Variants in DSG2 observed in about 807,000 individuals in gnomAD.
The protein encoded by DSG2 is desmoglein 2.
In DSG2, 45 loss-of-function variants were observed where a neutral mutation model predicts 75.6. The observed-to-expected ratio is 0.60, with a 90% CI of 0.47 to 0.76. The LOEUF is 0.76. DSG2 is among the 30% of genes least tolerant of loss of function. The pLI, the probability that DSG2 is intolerant of heterozygous loss-of-function variation, is 0.00. For missense variants in DSG2, 1,267 were observed against 1,357.4 expected, an observed-to-expected ratio of 0.93 and a Z score of 1.05; for synonymous variants, 429 against 483.9, an observed-to-expected ratio of 0.89 and a Z score of 1.49.
chr18:31,535,463 TTTTCCAACATCA>T, intron 10 of DSG2, 51 bp downstream of exon 10: 2 of 1,455,176 alleles, frequency 1.4e-6, no homozygotes, highest in Non-Finnish European at 1.9e-6. Flanking sequence ...TAGATTTTTA[TTTTCCAACATCA>T]GAAACCATTG....
rs1401989076 is a variant in DSG2, at chr18:31,498,202, A to G, written c.-50A>G. 29 of 1,232,108 alleles carry G rather than the reference A, an allele frequency of 2.4e-5. No homozygotes were observed. Among genetic ancestry groups the G allele is most frequent in the Non-Finnish European group, 2.9e-5 (29 of 984,720 alleles). The allele number at this position is 1,232,108 out of a possible 1,614,324, so 76.3% of individuals were successfully genotyped here. ...GAGGAGCCGAGTGCGCGCTCGGGGC[A>G]GGCGGCGGCGCGGAGCGGTGCGGCG... On this transcript the variant is annotated 5_prime_UTR_variant, in exon 1 of 15. Coordinates refer to ENST00000261590, the MANE Select transcript of DSG2 (RefSeq NM_001943.5).
chr18:31,508,790 C>T (rs2073052185), intron 1 of DSG2, among the ~76,000 whole-genome samples: 1 of 152,130 alleles, frequency 6.6e-6, no homozygotes, highest in Non-Finnish European at 1.5e-5. Flanking sequence ...ATTATCCAGG[C>T]TCTCCTCTTC....
At chr18:31,512,513 A>T (rs563702169) in intron 1 of DSG2, among the ~76,000 whole-genome samples, 177 of 152,360 alleles carry the variant, frequency 1.2e-3, no homozygotes, top group African/African-American at 4.1e-3. Flanking sequence ...TTCTCCATAC[A>T]GTAGCACCAG....
At position 31,548,340 on chromosome 18, in the gene DSG2, A is replaced by G. The variant is rs2073329554; in HGVS notation, c.*1597A>G. 1 of 152,210 alleles carries G rather than the reference A, an allele frequency of 6.6e-6. No homozygotes were observed. The highest frequency in any genetic ancestry group is 1.5e-5 in the Non-Finnish European group (1 of 68,038). The allele number at this position is 152,210 out of a possible 1,614,324, so 9.4% of individuals were successfully genotyped here. A position where few individuals can be genotyped will look rare whatever the true frequency, so the allele number is the denominator to read the frequency against. On this transcript the variant is annotated 3_prime_UTR_variant, in exon 15 of 15. Coordinates refer to ENST00000261590, the MANE Select transcript of DSG2 (RefSeq NM_001943.5). The stretch of plus-strand genomic sequence containing the variant: ...ACAATTTTCATAATTTTCAAAGACT[A>G]ATTTCTTGACTGAAGATATTTTGCT...
At position 31,524,468 on chromosome 18, in the gene DSG2, G is replaced by A; in HGVS notation, c.711G>A (p.Leu237=). ...LDREEHSSYT[L]TVEARDGNGE... The stretch of plus-strand genomic sequence containing the variant: ...TGCAGGAACACAGCAGCTACACTTT[G>A]ACAGTAGAAGCAAGAGATGGCAATG... Residue 237 remains leucine (L), a synonymous_variant, in exon 7 of 15, where the codon TTG becomes TTA. Transcript: ENST00000261590. The A allele has an allele frequency of 6.2e-7, 1 of 1,614,122 alleles. No individual in the cohort carries two copies. The highest frequency in any genetic ancestry group is 8.5e-7 in the Non-Finnish European group (1 of 1,180,016).
intron 1 of DSG2, among the ~76,000 whole-genome samples, chr18:31,502,655 G>C (rs2073019556): frequency 6.6e-6 from 1 of 152,144 alleles, no homozygotes; most frequent in Non-Finnish European, 1.5e-5. Flanking sequence ...GGAGGCTGAG[G>C]CAGGAGAATC....
At chr18:31,528,437 C>T (rs558708685) in intron 8 of DSG2, among the ~76,000 whole-genome samples, 37 of 152,108 alleles carry the variant, frequency 2.4e-4, no homozygotes, top group African/African-American at 8.7e-4. Context: ...ATGGGCTGGG[C>T]ACGGTGGCTC....
intron 9 of DSG2, among the ~76,000 whole-genome samples, chr18:31,531,815 T>C (rs1220882580): frequency 6.6e-6 from 1 of 152,234 alleles, no homozygotes; most frequent in Non-Finnish European, 1.5e-5. Context: ...TACAAGATGC[T>C]CACTGTGTTG....
At chr18:31,540,349 T>C (rs1004914380) in intron 12 of DSG2, among the ~76,000 whole-genome samples, 4 of 152,210 alleles carry the variant, frequency 2.6e-5, no homozygotes, top group Admixed American at 2.6e-4. Flanking sequence ...TGGCTACATA[T>C]ACAGATACAT....
intron 9 of DSG2, among the ~76,000 whole-genome samples, chr18:31,533,923 T>C (rs983315159): frequency 2.6e-5 from 4 of 152,148 alleles, no homozygotes; most frequent in Non-Finnish European, 5.9e-5. Flanking sequence ...ATATGTTTGG[T>C]TGGTACTGGT....
At chr18:31,544,614 A>T (rs1487231382) in intron 14 of DSG2, among the ~76,000 whole-genome samples, 2 of 152,212 alleles carry the variant, frequency 1.3e-5, no homozygotes, top group Admixed American at 6.5e-5. Context: ...TAAGAAAAAA[A>T]ATTGAAGCCA....
intron 1 of DSG2, among the ~76,000 whole-genome samples, chr18:31,506,885 G>A (rs562641641): frequency 1.3e-5 from 2 of 152,112 alleles, no homozygotes; most frequent in African/African-American, 4.8e-5. Context: ...GCAATCCAAC[G>A]ACTTCAAGGA....
At chr18:31,537,034 T>C (rs2073235178) in intron 11 of DSG2, among the ~76,000 whole-genome samples, 1 of 152,234 alleles carries the variant, frequency 6.6e-6, no homozygotes, top group African/African-American at 2.4e-5. Context: ...GATGTGTTGA[T>C]GTGAGTTTTC....
At position 31,542,901 on chromosome 18, in the gene DSG2, G is replaced by T. The variant is rs79597696; in HGVS notation, c.2334+49G>T. On this transcript the variant is annotated intron_variant, in intron 14 of 14. Coordinates refer to ENST00000261590, the MANE Select transcript of DSG2 (RefSeq NM_001943.5). The stretch of plus-strand genomic sequence containing the variant: ...GTGGTGGGGGGTGGGGGGAACATTT[G>T]TATGTGAATGTGATATTATTAGGGT... 37 of 1,041,076 alleles carry T rather than the reference G, an allele frequency of 3.6e-5. No homozygotes were observed. The South Asian group carries it at 5.2e-4, about 15-fold the overall frequency. 64.5% of individuals were successfully genotyped at this position (1,041,076 alleles called of 1,614,324 possible).
intron 1 of DSG2, among the ~76,000 whole-genome samples, chr18:31,507,468 G>A (rs527598876): frequency 1.3e-5 from 2 of 152,288 alleles, no homozygotes; most frequent in African/African-American, 4.8e-5. Flanking sequence ...GAGTCAAATG[G>A]TATTTCTGGT....
intron 1 of DSG2, among the ~76,000 whole-genome samples, chr18:31,500,620 C>G (rs1285484942): frequency 1.3e-5 from 2 of 152,162 alleles, no homozygotes; most frequent in African/African-American, 4.8e-5. Flanking sequence ...TGAACCCAAA[C>G]CCCATTCAGA....
At chr18:31,533,263 G>A (rs1364629743) in intron 9 of DSG2, among the ~76,000 whole-genome samples, 1 of 152,152 alleles carries the variant, frequency 6.6e-6, no homozygotes, top group Non-Finnish European at 1.5e-5. Context: ...GAGGCCAGGA[G>A]TTCAAGACCA....
At chr18:31,535,446 A>G in intron 10 of DSG2, 34 bp downstream of exon 10, 2 of 1,515,308 alleles carry the variant, frequency 1.3e-6, no homozygotes, top group African/African-American at 1.4e-5. Flanking sequence ...TCTTGATTAT[A>G]TGTATTTAGA....
At chr18:31,508,071 A>C (rs1216271439) in intron 1 of DSG2, among the ~76,000 whole-genome samples, 1 of 152,182 alleles carries the variant, frequency 6.6e-6, no homozygotes, top group African/African-American at 2.4e-5. Flanking sequence ...TCTTACATTT[A>C]AGTCTTTAAT....
Sources: allele counts gnomAD v4.1 joint callset (sites outside exome capture counted in the v4.1 genomes callset), GRCh38; gene constraint gnomAD v4.1.1; transcripts MANE v1.5; gene names NCBI Gene and HGNC (gene_info 2026-07-23, HGNC 2026-07-21).